The following GRID1 variants were observed in gnomAD, a reference collection of about 807,000 sequenced individuals.
GRID1 encodes glutamate ionotropic receptor delta type subunit 1.
In GRID1, 28 loss-of-function variants were observed where a neutral mutation model predicts 98.0. The ratio of observed to expected loss-of-function variants is 0.29; its 90% CI spans 0.21 to 0.39. The LOEUF (loss-of-function observed/expected upper bound fraction) is 0.39. Ranked by LOEUF, GRID1 falls within the 10% of genes least tolerant of loss-of-function variation. The pLI is 1.00. For missense variants in GRID1, 1,111 were observed against 1,340.5 expected, an observed-to-expected ratio of 0.83 and a Z score of 2.67; for synonymous variants, 553 against 538.5, an observed-to-expected ratio of 1.03 and a Z score of -0.37.
At chr10:85,765,974 G>A (rs1041143565) in intron 8 of GRID1, among the ~76,000 whole-genome samples, 8 of 152,200 alleles carry the variant, frequency 5.3e-5, no homozygotes, top group African/African-American at 1.4e-4. Context: ...AGAGGGGGAC[G>A]ATTTTAACTG....
intron 8 of GRID1, among the ~76,000 whole-genome samples, chr10:85,760,070 T>C (rs1219698895): frequency 6.6e-6 from 1 of 152,196 alleles, no homozygotes; most frequent in Admixed American, 6.5e-5. Flanking sequence ...TGTGTTATTA[T>C]GAATATATAA....
chr10:86,296,440 A>G (rs34100940), intron 2 of GRID1, among the ~76,000 whole-genome samples: 15,932 of 152,214 alleles, frequency 0.1, 988 homozygotes, highest in South Asian at 0.17. Flanking sequence ...TTATACAATA[A>G]ATTAAAAGTA....
At chr10:86,041,372 T>G (rs1403196342) in intron 4 of GRID1, among the ~76,000 whole-genome samples, 2 of 152,180 alleles carry the variant, frequency 1.3e-5, no homozygotes, top group African/African-American at 4.8e-5. Flanking sequence ...TAGGGAGAAA[T>G]GCAAGCATGT....
chr10:85,847,782 A>G (rs866554768), intron 8 of GRID1, among the ~76,000 whole-genome samples: 49 of 152,334 alleles, frequency 3.2e-4, no homozygotes, highest in Middle Eastern at 6.8e-3. Flanking sequence ...TACTTTGTGA[A>G]TTGGGTATAA....
intron 12 of GRID1, among the ~76,000 whole-genome samples, chr10:85,699,187 G>A (rs1479543278): frequency 2.0e-5 from 3 of 152,002 alleles, no homozygotes; most frequent in African/African-American, 7.2e-5. Context: ...CCAGTAGCTG[G>A]AATCACAAGC....
At chr10:86,352,682 G>A (rs1290233048) in intron 2 of GRID1, among the ~76,000 whole-genome samples, 1 of 152,166 alleles carries the variant, frequency 6.6e-6, no homozygotes, top group Non-Finnish European at 1.5e-5. Flanking sequence ...TGGGGGTTAA[G>A]GGCTTTGACA....
chr10:86,023,327 C>T (rs538171324), intron 4 of GRID1, among the ~76,000 whole-genome samples: 14 of 152,350 alleles, frequency 9.2e-5, no homozygotes, highest in African/African-American at 3.4e-4. Context: ...GGCCTGCGGG[C>T]TCACTGTGTC....
intron 8 of GRID1, among the ~76,000 whole-genome samples, chr10:85,834,600 C>T (rs1008309021): frequency 1.2e-4 from 19 of 152,046 alleles, no homozygotes; most frequent in African/African-American, 4.6e-4. Context: ...AACTATAACA[C>T]CATTTGATAC....
intron 4 of GRID1, among the ~76,000 whole-genome samples, chr10:85,930,777 T>C (rs1367402626): frequency 6.6e-6 from 1 of 152,204 alleles, no homozygotes. Flanking sequence ...TAGTATAGAA[T>C]ATGTGAATAT....
intron 4 of GRID1, among the ~76,000 whole-genome samples, chr10:86,013,628 A>C (rs1842945423): frequency 6.6e-6 from 1 of 152,246 alleles, no homozygotes; most frequent in African/African-American, 2.4e-5. Context: ...TAGCTATAGC[A>C]ATAAACCTTC....
intron 4 of GRID1, among the ~76,000 whole-genome samples, chr10:86,077,646 C>T (rs951136794): frequency 9.9e-5 from 15 of 152,154 alleles, no homozygotes; most frequent in Non-Finnish European, 7.3e-5. Flanking sequence ...GATTCGTGTG[C>T]GTTGAAAGAA....
intron 2 of GRID1, among the ~76,000 whole-genome samples, chr10:86,345,036 C>T (rs7907967): frequency 0.7 from 106,729 of 152,106 alleles, 39,106 homozygotes; most frequent in Non-Finnish European, 0.82. Context: ...AGGAATGAGC[C>T]CCAGTGGCCC....
chr10:86,307,547 A>G (rs1392755721), intron 2 of GRID1, among the ~76,000 whole-genome samples: 1 of 152,010 alleles, frequency 6.6e-6, no homozygotes, highest in African/African-American at 2.4e-5. Context: ...GTGGGGGGGA[A>G]TGGGGAGATT....
chr10:85,964,452 A>T (rs1420399632), intron 4 of GRID1, among the ~76,000 whole-genome samples: 1 of 152,234 alleles, frequency 6.6e-6, no homozygotes, highest in Non-Finnish European at 1.5e-5. Flanking sequence ...TATATGGACC[A>T]ATGGAACAGA....
intron 12 of GRID1, among the ~76,000 whole-genome samples, chr10:85,658,553 T>C (rs539195597): frequency 1.2e-3 from 184 of 152,298 alleles, no homozygotes; most frequent in Non-Finnish European, 2.2e-3. Context: ...CCTATGGTGA[T>C]ATTAAGTAGC....
At chr10:86,185,077 C>T (rs1326106348) in intron 3 of GRID1, among the ~76,000 whole-genome samples, 1 of 151,998 alleles carries the variant, frequency 6.6e-6, no homozygotes, top group African/African-American at 2.4e-5. Flanking sequence ...TTGGGGAGAA[C>T]TAATATTTTT....
chr10:85,875,010 C>T (rs892171713), intron 5 of GRID1, among the ~76,000 whole-genome samples: 1 of 152,084 alleles, frequency 6.6e-6, no homozygotes, highest in African/African-American at 2.4e-5. Context: ...GGACTACAGT[C>T]GCATGCCACT....
chr10:85,990,017 A>G (rs1400752854), intron 4 of GRID1, among the ~76,000 whole-genome samples: 1 of 152,160 alleles, frequency 6.6e-6, no homozygotes, highest in Non-Finnish European at 1.5e-5. Flanking sequence ...GCAAGCCCTC[A>G]CCAGATTCTG....
chr10:85,725,017 T>C (rs56078220), intron 10 of GRID1, among the ~76,000 whole-genome samples: 2 of 152,322 alleles, frequency 1.3e-5, no homozygotes, highest in Non-Finnish European at 2.9e-5. Flanking sequence ...ATTTTCCCTA[T>C]GTTTCCCTCT....
Sources: allele counts gnomAD v4.1 joint callset (sites outside exome capture counted in the v4.1 genomes callset), GRCh38; gene constraint gnomAD v4.1.1; transcripts MANE v1.5; gene names NCBI Gene and HGNC (gene_info 2026-07-23, HGNC 2026-07-21).